CNTNAP2: variants seen among roughly 807,000 people sequenced by gnomAD.
CNTNAP2 encodes contactin-associated protein-like 2.
In CNTNAP2, 98 loss-of-function variants were observed where a neutral mutation model predicts 155.2. That is an observed-to-expected ratio of 0.63 (90% CI 0.54 to 0.75). The LOEUF is 0.75. CNTNAP2 is among the 30% of genes least tolerant of loss of function. CNTNAP2 has a pLI of 0.00. For missense variants in CNTNAP2, 1,727 were observed against 1,688.1 expected (o/e 1.02, Z -0.40); for synonymous variants, 651 against 631.2 (o/e 1.03, Z -0.47).
chr7:147,217,487 T>C (rs997878326), intron 8 of CNTNAP2, among the ~76,000 whole-genome samples: 2 of 152,062 alleles, frequency 1.3e-5, no homozygotes, highest in Non-Finnish European at 2.9e-5. Flanking sequence ...CAGTCTTGTA[T>C]ACCTGAGATA....
intron 8 of CNTNAP2, among the ~76,000 whole-genome samples, chr7:147,284,996 A>G (rs1460074457): frequency 2.0e-5 from 3 of 151,926 alleles, no homozygotes; most frequent in Non-Finnish European, 4.4e-5. Flanking sequence ...GTTTTTGCCT[A>G]TATCTGCAGC....
chr7:147,461,590 T>G (rs759086177), intron 10 of CNTNAP2, among the ~76,000 whole-genome samples: 25 of 152,202 alleles, frequency 1.6e-4, no homozygotes, highest in African/African-American at 5.8e-4. Flanking sequence ...ATTATTTTCA[T>G]GTGAGATGAA....
At chr7:147,218,663 G>C (rs367960962) in intron 8 of CNTNAP2, among the ~76,000 whole-genome samples, 1 of 151,478 alleles carries the variant, frequency 6.6e-6, no homozygotes, top group African/African-American at 2.4e-5. Flanking sequence ...GTGTCTTATT[G>C]AATATTTCCT....
intron 3 of CNTNAP2, among the ~76,000 whole-genome samples, chr7:146,941,886 G>T (rs376975507): frequency 6.6e-6 from 1 of 151,710 alleles, no homozygotes; most frequent in African/African-American, 2.4e-5. Flanking sequence ...TTCCTTATAT[G>T]TTATTTGCTG....
intron 19 of CNTNAP2, among the ~76,000 whole-genome samples, chr7:148,223,875 C>T (rs1795794287): frequency 6.6e-6 from 1 of 152,094 alleles, no homozygotes; most frequent in African/African-American, 2.4e-5. Context: ...ATAAAGGGGC[C>T]AGTGACAAAG....
chr7:148,292,849 C>CT (rs1363133920), intron 21 of CNTNAP2, among the ~76,000 whole-genome samples: 1 of 152,190 alleles, frequency 6.6e-6, no homozygotes, highest in African/African-American at 2.4e-5. Flanking sequence ...TTCCTCTGCC[C>CT]TACACTGGGA....
At chr7:148,085,950 A>G (rs1803719159) in intron 15 of CNTNAP2, among the ~76,000 whole-genome samples, 2 of 152,232 alleles carry the variant, frequency 1.3e-5, no homozygotes, top group South Asian at 4.1e-4. Context: ...ATTCTGCCAT[A>G]TTAAATTTTC....
In CNTNAP2 at chr7:148,044,797, C is replaced by T. The variant is rs182408921; in HGVS notation, c.2383+66808C>T. The T allele has an allele frequency of 1.2e-3, 185 of 152,344 alleles. 1 individual carries two copies. The highest frequency in any genetic ancestry group is 4.2e-3 in the African/African-American group (175 of 41,556). The allele number at this position is 152,344 out of a possible 1,614,324, so 9.4% of individuals were successfully genotyped here. On this transcript the variant is annotated intron_variant, in intron 15 of 23. Transcript: ENST00000361727. ...CAGACTGAGACATGGCTTTTGTCTG[C>T]TCTGTGTCTAGTGTATGTTTTGTTT...
At chr7:146,895,368 T>A (rs1331581340) in intron 3 of CNTNAP2, among the ~76,000 whole-genome samples, 1 of 149,226 alleles carries the variant, frequency 6.7e-6, no homozygotes, top group Non-Finnish European at 1.5e-5. Context: ...TCTTTTTTCC[T>A]ATTTCCTTGC....
intron 11 of CNTNAP2, among the ~76,000 whole-genome samples, chr7:147,544,181 T>A (rs1414262108): frequency 2.0e-5 from 3 of 152,192 alleles, no homozygotes; most frequent in Non-Finnish European, 4.4e-5. Context: ...ATGTACAACA[T>A]ATAATGTTGT....
intron 3 of CNTNAP2, among the ~76,000 whole-genome samples, chr7:147,020,047 G>GTA (rs1798792795): frequency 1.3e-5 from 2 of 152,044 alleles, no homozygotes; most frequent in African/African-American, 4.8e-5. Flanking sequence ...ATATAGTATA[G>GTA]TATAGTACAG....
intron 13 of CNTNAP2, among the ~76,000 whole-genome samples, chr7:147,864,613 T>G (rs201518760): frequency 2.0e-5 from 3 of 152,092 alleles, no homozygotes; most frequent in African/African-American, 2.4e-5. Flanking sequence ...TTGAGCAGTG[T>G]TTTGTAGTTC....
intron 10 of CNTNAP2, among the ~76,000 whole-genome samples, chr7:147,445,218 C>T (rs747335280): frequency 1.3e-5 from 2 of 152,180 alleles, no homozygotes; most frequent in Admixed American, 6.5e-5. Context: ...CAGGTGCCCT[C>T]CTGCTTTATG....
chr7:148,410,144 A>C (rs6972224), intron 23 of CNTNAP2, among the ~76,000 whole-genome samples: 82,373 of 145,624 alleles, frequency 0.57, 24,095 homozygotes, highest in African/African-American at 0.65. Flanking sequence ...ATAGCAGTGG[A>C]AAGCTGGACA....
chr7:148,132,028 A>G (rs946115344), intron 16 of CNTNAP2, among the ~76,000 whole-genome samples: 11 of 152,332 alleles, frequency 7.2e-5, no homozygotes, highest in Admixed American at 5.2e-4. Context: ...AATCAAAACC[A>G]TGAAAGAAAA....
intron 1 of CNTNAP2, among the ~76,000 whole-genome samples, chr7:146,256,746 C>T (rs574410308): frequency 6.6e-6 from 1 of 152,006 alleles, no homozygotes; most frequent in East Asian, 1.9e-4. Flanking sequence ...CCATGCCTTA[C>T]CACAACACGG....
At chr7:146,782,747 G>A (rs777972023) in intron 2 of CNTNAP2, among the ~76,000 whole-genome samples, 10 of 152,088 alleles carry the variant, frequency 6.6e-5, no homozygotes, top group Non-Finnish European at 8.8e-5. Flanking sequence ...CAGAGCTACC[G>A]TGAAGGTTAA....
intron 1 of CNTNAP2, among the ~76,000 whole-genome samples, chr7:146,761,320 A>G (rs941298283): frequency 6.6e-6 from 1 of 151,440 alleles, no homozygotes; most frequent in Non-Finnish European, 1.5e-5. Context: ...GAAGGAAGGA[A>G]GGAAGGAAGG....
At chr7:148,014,776 T>C (rs1444939295) in intron 15 of CNTNAP2, among the ~76,000 whole-genome samples, 1 of 152,056 alleles carries the variant, frequency 6.6e-6, no homozygotes, top group African/African-American at 2.4e-5. Flanking sequence ...AAAGAAAAGC[T>C]CTGGGTTAAA....
Sources: gnomAD v4.1 joint callset for allele counts (sites outside exome capture counted in the v4.1 genomes callset) on GRCh38, gnomAD v4.1.1 for gene constraint, MANE v1.5 for transcripts, NCBI Gene and HGNC (gene_info 2026-07-23, HGNC 2026-07-21) for gene names.